The following ABTB2 variants were observed in gnomAD, a reference collection of about 807,000 sequenced individuals.
ABTB2 encodes ankyrin repeat and BTB/POZ domain-containing protein 2.
ABTB2 carries 56 observed loss-of-function variants against 104.1 expected under a neutral mutation model. The observed-to-expected ratio is 0.54, with a 90% confidence interval of 0.43 to 0.67. ABTB2 has a LOEUF of 0.67. ABTB2 is among the 30% of genes least tolerant of loss of function. The pLI, the probability that ABTB2 is intolerant of heterozygous loss-of-function variation, is 0.00. For synonymous variants in ABTB2, 606 were observed against 608.2 expected, an observed-to-expected ratio of 1.00 and a Z score of 0.05; for missense variants, 1,279 against 1,407.7, an observed-to-expected ratio of 0.91 and a Z score of 1.46.
chr11:34,172,395 A>ATAT (rs1264243637), intron 4 of ABTB2, among the ~76,000 whole-genome samples: 21 of 28,980 alleles, frequency 7.2e-4, no homozygotes, highest in African/African-American at 1.8e-3. Flanking sequence ...AAAAAAAAAA[A>ATAT]ATATATATAT....
chr11:34,333,403 A>G (rs1251336754), intron 1 of ABTB2, among the ~76,000 whole-genome samples: 1 of 152,176 alleles, frequency 6.6e-6, no homozygotes, highest in Non-Finnish European at 1.5e-5. Flanking sequence ...GGAGAAACAA[A>G]ACAAAACAAA....
intron 5 of ABTB2, among the ~76,000 whole-genome samples, chr11:34,169,840 C>T (rs1046218641): frequency 6.6e-6 from 1 of 152,176 alleles, no homozygotes; most frequent in Non-Finnish European, 1.5e-5. Context: ...CCCATCCTGC[C>T]CTCCCCCAGG....
intron 1 of ABTB2, among the ~76,000 whole-genome samples, chr11:34,282,392 T>C (rs1002985069): frequency 6.6e-6 from 1 of 152,196 alleles, no homozygotes; most frequent in East Asian, 1.9e-4. Context: ...ATACATTGAG[T>C]GAAAAGCAGG....
intron 1 of ABTB2, among the ~76,000 whole-genome samples, chr11:34,293,943 C>T (rs957503570): frequency 2.0e-5 from 3 of 152,016 alleles, no homozygotes; most frequent in South Asian, 2.1e-4. Context: ...CCAGGCTGGT[C>T]GGTAAAATGT....
chr11:34,239,914 C>T (rs1853891776), intron 1 of ABTB2, among the ~76,000 whole-genome samples: 1 of 152,202 alleles, frequency 6.6e-6, no homozygotes, highest in African/African-American at 2.4e-5. Flanking sequence ...AGCAAGGCAT[C>T]TGTTTCCACA....
chr11:34,243,357 C>T (rs918028896), intron 1 of ABTB2, among the ~76,000 whole-genome samples: 2 of 152,200 alleles, frequency 1.3e-5, no homozygotes, highest in African/African-American at 2.4e-5. Context: ...ACTTGAACTC[C>T]GCCTCCTGGG....
intron 1 of ABTB2, among the ~76,000 whole-genome samples, chr11:34,324,197 C>T (rs1855040885): frequency 6.6e-6 from 1 of 152,160 alleles, no homozygotes; most frequent in Non-Finnish European, 1.5e-5. Context: ...AGGCATGAGC[C>T]ACCATGCCCA....
rs758704428 is a variant in ABTB2, at chr11:34,335,697, T to C, written c.883+21004A>G. ...GTCTTTCACTTGATAAAGTTTCTGCTAGAACATCAGGCAAAGTTTTATAAA... is the reference window on the plus strand; with the variant it reads ...GTCTTTCACTTGATAAAGTTTCTGCCAGAACATCAGGCAAAGTTTTATAAA... On this transcript the variant is annotated intron_variant, in intron 1 of 16. Transcript: ENST00000435224. 99 of 1,394,416 alleles carry C rather than the reference T, an allele frequency of 7.1e-5. 1 individual carries two copies. The highest frequency in any genetic ancestry group is 1.3e-4 in the Admixed American group (8 of 59,452). 86.4% of individuals were successfully genotyped at this position (1,394,416 alleles called of 1,614,324 possible). A position where few individuals can be genotyped will look rare whatever the true frequency, so the allele number is the denominator to read the frequency against.
intron 3 of ABTB2, among the ~76,000 whole-genome samples, chr11:34,186,695 G>A (rs568267994): frequency 8.5e-5 from 13 of 152,292 alleles, no homozygotes; most frequent in South Asian, 6.2e-4. Context: ...GTCAGAGGCC[G>A]GGCCAGGATC....
intron 1 of ABTB2, among the ~76,000 whole-genome samples, chr11:34,224,760 A>G (rs1853666324): frequency 6.6e-6 from 1 of 152,226 alleles, no homozygotes; most frequent in Non-Finnish European, 1.5e-5. Flanking sequence ...AAGACTGGGC[A>G]TACAAAAGAC....
At chr11:34,283,471 C>T (rs1467493488) in intron 1 of ABTB2, among the ~76,000 whole-genome samples, 1 of 152,168 alleles carries the variant, frequency 6.6e-6, no homozygotes, top group Non-Finnish European at 1.5e-5. Context: ...CTACCTTGGC[C>T]TCCTAGAATT....
At chr11:34,199,505 A>G (rs1203558414) in intron 2 of ABTB2, among the ~76,000 whole-genome samples, 1 of 152,220 alleles carries the variant, frequency 6.6e-6, no homozygotes, top group African/African-American at 2.4e-5. Context: ...AAGTTCCCTC[A>G]GTGATTCTAA....
At chr11:34,232,731 T>A (rs1031882396) in intron 1 of ABTB2, among the ~76,000 whole-genome samples, 4 of 151,936 alleles carry the variant, frequency 2.6e-5, no homozygotes, top group African/African-American at 9.7e-5. Flanking sequence ...TCTCAGAACT[T>A]TGGGAGACCA....
At chr11:34,214,273 G>A (rs1478576572) in intron 1 of ABTB2, among the ~76,000 whole-genome samples, 4 of 151,954 alleles carry the variant, frequency 2.6e-5, no homozygotes, top group Non-Finnish European at 5.9e-5. Context: ...AGAGTGGTTC[G>A]CTTGATGCTA....
rs1853056126 is a variant in ABTB2, at chr11:34,183,599, G to GCCTC, written c.1245-10296_1245-10293dup. Among the ~76,000 whole-genome samples, 4 of 152,172 alleles carry GCCTC rather than the reference G, an allele frequency of 2.6e-5. No individual in the cohort carries two copies. The South Asian group carries it at 8.3e-4, about 32-fold the overall frequency. The stretch of plus-strand genomic sequence containing the variant: ...CTCCTGCTCACCCCCTCAGAAGCAG[G>GCCTC]CCTCCCTCTGCCCTCCAGCACTCAG... On this transcript the variant is annotated intron_variant, in intron 3 of 16. Transcript: ENST00000435224.
chr11:34,198,861 T>C (rs1374187398), intron 2 of ABTB2, among the ~76,000 whole-genome samples: 1 of 152,188 alleles, frequency 6.6e-6, no homozygotes, highest in Admixed American at 6.5e-5. Flanking sequence ...CGGGGTCAGC[T>C]TCAGCCTCAC....
intron 1 of ABTB2, among the ~76,000 whole-genome samples, chr11:34,348,072 A>T (rs1855355427): frequency 6.6e-6 from 1 of 152,252 alleles, no homozygotes; most frequent in Admixed American, 6.5e-5. Context: ...ATGCAAAGTC[A>T]GAGCCAAATT....
chr11:34,282,292 T>C (rs116454613), intron 1 of ABTB2, among the ~76,000 whole-genome samples: 2,007 of 152,212 alleles, frequency 0.013, 44 homozygotes, highest in African/African-American at 0.046. Flanking sequence ...CATTGTAATA[T>C]AGAACATTTC....
chr11:34,225,829 A>G (rs986609496), intron 1 of ABTB2, among the ~76,000 whole-genome samples: 1 of 152,248 alleles, frequency 6.6e-6, no homozygotes, highest in South Asian at 2.1e-4. Context: ...AGAAGAAAGT[A>G]TCTGAAAAAT....
Sources: gnomAD v4.1 joint callset for allele counts (sites outside exome capture counted in the v4.1 genomes callset) on GRCh38, gnomAD v4.1.1 for gene constraint, MANE v1.5 for transcripts, NCBI Gene and HGNC (gene_info 2026-07-23, HGNC 2026-07-21) for gene names.